CTNNA3: variants seen among roughly 807,000 people sequenced by gnomAD.
CTNNA3 encodes the protein catenin alpha 3, also known as catenin alpha-3.
In CTNNA3, 76 loss-of-function variants were observed where a neutral mutation model predicts 95.7. That is an observed-to-expected ratio of 0.79 (90% confidence interval 0.66 to 0.96). CTNNA3 has a LOEUF of 0.96. Ranked by LOEUF, CTNNA3 falls within the 40% of genes least tolerant of loss-of-function variation. CTNNA3 has a pLI of 0.00. For missense variants in CTNNA3, 1,191 were observed against 1,089.8 expected, an observed-to-expected ratio of 1.09 and a Z score of -1.31; for synonymous variants, 431 against 374.4, an observed-to-expected ratio of 1.15 and a Z score of -1.74.
chr10:67,455,938 G>C (rs576935377), intron 5 of CTNNA3, among the ~76,000 whole-genome samples: 67 of 152,270 alleles, frequency 4.4e-4, no homozygotes, highest in African/African-American at 1.6e-3. Flanking sequence ...TGGTTTATTG[G>C]TTGTGACAAA....
chr10:67,263,951 G>C (rs1467311981), intron 5 of CTNNA3, among the ~76,000 whole-genome samples: 1 of 151,778 alleles, frequency 6.6e-6, no homozygotes, highest in Non-Finnish European at 1.5e-5. Context: ...AAAAGTGTCA[G>C]ACAATAAAGC....
chr10:67,306,175 T>C (rs1039347443), intron 5 of CTNNA3, among the ~76,000 whole-genome samples: 12 of 152,122 alleles, frequency 7.9e-5, no homozygotes, highest in African/African-American at 2.7e-4. Flanking sequence ...AAAAAAATTA[T>C]AGAGCCCAGG....
At chr10:66,452,336 T>G (rs1434837300) in intron 11 of CTNNA3, among the ~76,000 whole-genome samples, 1 of 152,086 alleles carries the variant, frequency 6.6e-6, no homozygotes, top group Non-Finnish European at 1.5e-5. Context: ...CCCAAGAGGG[T>G]GGGATGAACC....
At chr10:67,042,608 G>C (rs1854472070) in intron 7 of CTNNA3, among the ~76,000 whole-genome samples, 2 of 151,980 alleles carry the variant, frequency 1.3e-5, no homozygotes. Context: ...CAGAAGCTAG[G>C]AGGAGAAAGG....
intron 11 of CTNNA3, among the ~76,000 whole-genome samples, chr10:66,468,471 G>A (rs1839008537): frequency 2.0e-5 from 3 of 152,014 alleles, no homozygotes; most frequent in Admixed American, 2.0e-4. Flanking sequence ...TCATGGGTGG[G>A]GGAAATGGGA....
At chr10:66,368,054 T>A (rs1435411361) in intron 12 of CTNNA3, among the ~76,000 whole-genome samples, 3 of 151,598 alleles carry the variant, frequency 2.0e-5, no homozygotes, top group African/African-American at 7.3e-5. Context: ...CAGCATTCCA[T>A]GTCGTCCTAT....
At chr10:66,081,097 C>T (rs549594454) in intron 14 of CTNNA3, among the ~76,000 whole-genome samples, 3 of 152,228 alleles carry the variant, frequency 2.0e-5, no homozygotes, top group South Asian at 4.2e-4. Flanking sequence ...AAATTTAAGG[C>T]TTTCTTGGTC....
Position 66,859,508 on chromosome 10 carries a change from A to T in CTNNA3, c.1048-83984T>A, listed in dbSNP as rs562915858. On this transcript the variant is annotated intron_variant, in intron 7 of 17. Transcript: ENST00000433211. ...TTAGAATGGCAATCATTAAAATGTC[A>T]GGAAACAACAGGTGCTGGAGAGGAT... is the stretch of plus-strand genomic sequence containing the variant. 4.7e-4 allele frequency among the ~76,000 whole-genome samples: 71 copies of T among 152,178 alleles called. No individual in the cohort carries two copies. In the South Asian group the frequency reaches 0.013, roughly 28 times the overall value.
At chr10:66,041,586 A>C (rs892140401) in intron 15 of CTNNA3, among the ~76,000 whole-genome samples, 1 of 152,196 alleles carries the variant, frequency 6.6e-6, no homozygotes, top group Admixed American at 6.5e-5. Flanking sequence ...CAAACAAATA[A>C]AATGAAGGAT....
At chr10:66,509,707 T>G (rs1365276858) in intron 11 of CTNNA3, among the ~76,000 whole-genome samples, 1 of 152,038 alleles carries the variant, frequency 6.6e-6, no homozygotes. Context: ...GGGTTCTCTA[T>G]CTTATTCCAT....
chr10:66,046,111 A>G (rs563470697), intron 15 of CTNNA3, among the ~76,000 whole-genome samples: 2 of 152,284 alleles, frequency 1.3e-5, no homozygotes, highest in East Asian at 3.9e-4. Flanking sequence ...TGACCCACAG[A>G]GAACAAAGAA....
At chr10:66,149,726 T>C (rs1412265515) in intron 13 of CTNNA3, among the ~76,000 whole-genome samples, 1 of 151,878 alleles carries the variant, frequency 6.6e-6, no homozygotes, top group South Asian at 2.1e-4. Context: ...TTTACATTCT[T>C]ATGCATCTTT....
intron 11 of CTNNA3, among the ~76,000 whole-genome samples, chr10:66,486,542 A>G (rs554542930): frequency 6.6e-6 from 1 of 152,306 alleles, no homozygotes; most frequent in East Asian, 1.9e-4. Context: ...ACAAGAGATA[A>G]GAAGTATGGG....
chr10:66,959,786 C>A (rs1849018190), intron 7 of CTNNA3, among the ~76,000 whole-genome samples: 1 of 152,112 alleles, frequency 6.6e-6, no homozygotes, highest in South Asian at 2.1e-4. Context: ...CTCTATCCGA[C>A]CAGAAACTCA....
chr10:67,229,520 G>C (rs1865088580), intron 5 of CTNNA3, among the ~76,000 whole-genome samples: 1 of 152,216 alleles, frequency 6.6e-6, no homozygotes, highest in East Asian at 1.9e-4. Context: ...TAAAGAGGAA[G>C]TCAAGCTGTC....
intron 5 of CTNNA3, among the ~76,000 whole-genome samples, chr10:67,447,804 C>T (rs1255540748): frequency 6.6e-6 from 1 of 152,152 alleles, no homozygotes; most frequent in Non-Finnish European, 1.5e-5. Flanking sequence ...AAAGTCTCCC[C>T]AAGAGCAGAG....
chr10:67,587,814 C>T (rs942217768), intron 3 of CTNNA3, among the ~76,000 whole-genome samples: 3 of 151,994 alleles, frequency 2.0e-5, no homozygotes, highest in Admixed American at 6.6e-5. Context: ...CCTTTTGATC[C>T]CTTTTTGCCC....
At chr10:67,617,622 G>T (rs1369327198) in intron 2 of CTNNA3, among the ~76,000 whole-genome samples, 2 of 152,152 alleles carry the variant, frequency 1.3e-5, no homozygotes, top group Admixed American at 1.3e-4. Flanking sequence ...TATATATCCA[G>T]TAATGGGATT....
intron 7 of CTNNA3, among the ~76,000 whole-genome samples, chr10:66,784,169 C>A (rs1336816342): frequency 6.6e-6 from 1 of 152,058 alleles, no homozygotes; most frequent in East Asian, 1.9e-4. Context: ...TAAATATTTT[C>A]TATCATTTCT....
Sources: allele counts gnomAD v4.1 joint callset (sites outside exome capture counted in the v4.1 genomes callset), GRCh38; gene constraint gnomAD v4.1.1; transcripts MANE v1.5; gene names NCBI Gene and HGNC (gene_info 2026-07-23, HGNC 2026-07-21).